RSPO2: variants seen among roughly 807,000 people sequenced by gnomAD.
RSPO2 encodes R-spondin-2.
In RSPO2, 14 loss-of-function variants were observed where a neutral mutation model predicts 30.9. That is an observed-to-expected ratio of 0.45 (90% CI 0.30 to 0.71). RSPO2 has a LOEUF of 0.71. Among genes scored for constraint, RSPO2 ranks in the 30% least tolerant of loss-of-function variants. The pLI is 0.08. For missense variants in RSPO2, 264 were observed against 301.9 expected, an observed-to-expected ratio of 0.87 and a Z score of 0.93; for synonymous variants, 107 against 96.4, an observed-to-expected ratio of 1.11 and a Z score of -0.64.
chr8:108,015,008 T>C (rs147003127), intron 2 of RSPO2, among the ~76,000 whole-genome samples: 6 of 152,240 alleles, frequency 3.9e-5, no homozygotes, highest in African/African-American at 1.4e-4. Flanking sequence ...AAGCATAATA[T>C]AGCCCACTTC....
chr8:107,951,209 C>T (rs779813975), intron 5 of RSPO2, among the ~76,000 whole-genome samples: 7 of 151,980 alleles, frequency 4.6e-5, no homozygotes, highest in Non-Finnish European at 1.5e-5. Context: ...GCATGTACCA[C>T]CACACCCAGA....
chr8:108,049,342 T>G (rs1215515756), intron 2 of RSPO2, among the ~76,000 whole-genome samples: 2 of 152,070 alleles, frequency 1.3e-5, no homozygotes, highest in Admixed American at 1.3e-4. Context: ...TGACCCTTGT[T>G]TTTTGGCTGG....
At chr8:107,983,670 T>G in intron 3 of RSPO2, 1 of 1,593,360 alleles carries the variant, frequency 6.3e-7, no homozygotes, top group Non-Finnish European at 8.6e-7. Flanking sequence ...TGGAATTCCT[T>G]GTGGCAGAGA....
chr8:107,958,594 T>C (rs566792856), intron 4 of RSPO2, among the ~76,000 whole-genome samples: 5 of 152,350 alleles, frequency 3.3e-5, no homozygotes, highest in Middle Eastern at 6.8e-3. Flanking sequence ...GTTTGTTACA[T>C]AGGTAAACAT....
chr8:108,076,505 T>C (rs1318808972), intron 2 of RSPO2, among the ~76,000 whole-genome samples: 1 of 152,128 alleles, frequency 6.6e-6, no homozygotes, highest in Admixed American at 6.5e-5. Context: ...ATGAGATGGA[T>C]ATAAACTCAC....
intron 2 of RSPO2, among the ~76,000 whole-genome samples, chr8:108,078,329 A>AG (rs1475615852): frequency 1.3e-5 from 2 of 152,236 alleles, no homozygotes; most frequent in Non-Finnish European, 2.9e-5. Context: ...CAATCAAAAA[A>AG]GAGAAAAGAA....
intron 3 of RSPO2, among the ~76,000 whole-genome samples, chr8:107,969,507 G>A (rs772130871): frequency 3.3e-5 from 5 of 152,090 alleles, no homozygotes; most frequent in East Asian, 1.9e-4. Flanking sequence ...ATGAAGAAAC[G>A]TGGAGGCTTG....
intron 2 of RSPO2, among the ~76,000 whole-genome samples, chr8:108,042,557 CA>C (rs1811791035): frequency 6.6e-6 from 1 of 151,896 alleles, no homozygotes; most frequent in African/African-American, 2.4e-5. Context: ...ATTAGAATGG[CA>C]ATAAGATGGA....
rs929229207 is a variant in RSPO2, at chr8:108,057,370, T to C, written c.94+25175A>G. 3.9e-5 allele frequency among the ~76,000 whole-genome samples: 6 copies of C among 152,250 alleles called. No homozygotes were observed. The South Asian group carries it at 1.2e-3, about 32-fold the overall frequency. ...CACTGAGTAGAAAGGTTATTGGTAGTTGTATTTTCTTCATAGTGTTGTTCT... is the reference window on the plus strand; with the variant it reads ...CACTGAGTAGAAAGGTTATTGGTAGCTGTATTTTCTTCATAGTGTTGTTCT... On this transcript the variant is annotated intron_variant, in intron 2 of 5. Transcript: ENST00000276659.
intron 5 of RSPO2, among the ~76,000 whole-genome samples, chr8:107,937,864 A>T (rs1239022348): frequency 6.6e-6 from 1 of 152,140 alleles, no homozygotes; most frequent in Non-Finnish European, 1.5e-5. Context: ...ATATACAGGT[A>T]GTGCTCCCCA....
intron 5 of RSPO2, among the ~76,000 whole-genome samples, chr8:107,941,295 G>C (rs1812888689): frequency 6.6e-6 from 1 of 152,004 alleles, no homozygotes; most frequent in East Asian, 1.9e-4. Context: ...TATCTCTATG[G>C]TGGCCTTCCT....
At chr8:108,014,679 C>T (rs897223106) in intron 2 of RSPO2, among the ~76,000 whole-genome samples, 5 of 151,610 alleles carry the variant, frequency 3.3e-5, no homozygotes, top group African/African-American at 1.2e-4. Flanking sequence ...GAACATCACA[C>T]ACTGGGGCCT....
chr8:108,071,315 T>A (rs1480526794), intron 2 of RSPO2, among the ~76,000 whole-genome samples: 2 of 152,186 alleles, frequency 1.3e-5, no homozygotes, highest in Non-Finnish European at 2.9e-5. Context: ...CAGGATTCAG[T>A]CAAGAATCAT....
intron 2 of RSPO2, among the ~76,000 whole-genome samples, chr8:108,057,270 G>A (rs1268956400): frequency 6.6e-6 from 1 of 151,778 alleles, no homozygotes; most frequent in East Asian, 1.9e-4. Flanking sequence ...TATGACACAG[G>A]CACTTTCAAA....
chr8:107,975,288 T>C (rs1485799042), intron 3 of RSPO2, among the ~76,000 whole-genome samples: 4 of 152,198 alleles, frequency 2.6e-5, no homozygotes, highest in African/African-American at 9.7e-5. Flanking sequence ...CAATTTACAG[T>C]TTTTCTCTTC....
At chr8:107,973,548 ACAC>A in intron 3 of RSPO2, among the ~76,000 whole-genome samples, 1 of 151,768 alleles carries the variant, frequency 6.6e-6, no homozygotes, top group Non-Finnish European at 1.5e-5. Flanking sequence ...ACACACACAC[ACAC>A]ACACACACAC....
At chr8:108,003,303 ATATATATATTTTTTTTTTTTTTTTTT>A (rs1815333148) in intron 2 of RSPO2, among the ~76,000 whole-genome samples, 1 of 27,216 alleles carries the variant, frequency 3.7e-5, no homozygotes, top group African/African-American at 1.1e-4. Flanking sequence ...ATATATATAT[ATATATATATTTTTTTTTTTTTTTTTT>A]TTTTTTTTAA....
chr8:108,057,993 C>T (rs996526880), intron 2 of RSPO2, among the ~76,000 whole-genome samples: 3 of 152,226 alleles, frequency 2.0e-5, no homozygotes. Flanking sequence ...ATTGCCCTGG[C>T]CAGAACTTCC....
chr8:108,050,801 C>T (rs947804273), intron 2 of RSPO2, among the ~76,000 whole-genome samples: 2 of 152,008 alleles, frequency 1.3e-5, no homozygotes, highest in African/African-American at 2.4e-5. Context: ...AAGAAGTGGC[C>T]GAATATGCTC....
Sources: gnomAD v4.1 joint callset for allele counts (sites outside exome capture counted in the v4.1 genomes callset) on GRCh38, gnomAD v4.1.1 for gene constraint, MANE v1.5 for transcripts, NCBI Gene and HGNC (gene_info 2026-07-23, HGNC 2026-07-21) for gene names.